The following CLASP2 variants were observed in gnomAD, a reference collection of about 807,000 sequenced individuals.
The protein encoded by CLASP2 is CLIP-associating protein 2.
Under a neutral mutation model 194.4 loss-of-function variants are expected in CLASP2, and 47 were observed. The observed-to-expected ratio is 0.24, with a 90% CI of 0.19 to 0.31. The LOEUF is 0.31. Ranked by LOEUF, CLASP2 falls within the 10% of genes least tolerant of loss-of-function variation. The probability of loss-of-function intolerance (pLI) is 1.00; values close to 1 mark genes in which losing one functional copy is unlikely to be tolerated. For missense variants in CLASP2, 1,445 were observed against 1,823.6 expected (o/e 0.79, Z 3.78); for synonymous variants, 619 against 633.5 (o/e 0.98, Z 0.34).
At chr3:33,542,009 T>G (rs1457190077) in intron 32 of CLASP2, among the ~76,000 whole-genome samples, 1 of 152,234 alleles carries the variant, frequency 6.6e-6, no homozygotes, top group Non-Finnish European at 1.5e-5. Flanking sequence ...TGTTATTTTT[T>G]GACATTTTAA....
At chr3:33,516,946 A>C (rs2051507751) in intron 35 of CLASP2, 35 bp downstream of exon 35, 1 of 1,547,106 alleles carries the variant, frequency 6.5e-7, no homozygotes, top group Admixed American at 1.8e-5. Flanking sequence ...AGAGACAGGA[A>C]GGAAAGGCTA....
intron 12 of CLASP2, among the ~76,000 whole-genome samples, chr3:33,616,882 C>T (rs1302355672): frequency 6.6e-6 from 1 of 151,544 alleles, no homozygotes; most frequent in Non-Finnish European, 1.5e-5. Context: ...GGATTACAGG[C>T]ATGCACCATC....
rs1022415777 is a variant in CLASP2 at position 33,667,429 on chromosome 3, G to A, written c.645-3914C>T. 6.5e-3 allele frequency among the ~76,000 whole-genome samples: 504 copies of A among 77,142 alleles called. 1 individual carries two copies. Among genetic ancestry groups the A allele is most frequent in the African/African-American group, 0.017 (221 of 12,984 alleles). The allele number at this position is 77,142 out of a possible 152,430, so 50.6% of individuals were successfully genotyped here. A position where few individuals can be genotyped will look rare whatever the true frequency, so the allele number is the denominator to read the frequency against. On this transcript the variant is annotated intron_variant, in intron 6 of 38. Transcript: ENST00000682230. ...CTCAAAAAAAAAAAAAAAAAAAAAA[G>A]ACATTTGATTTGCAAGTATTTACTC... is the stretch of plus-strand genomic sequence containing the variant.
Position 33,622,260 on chromosome 3 carries a change from C to G in CLASP2, c.1056G>C (p.Leu352=). The change falls in exon 11 of 39, where the codon CTG becomes CTC. Residue 352 remains leucine (L), a synonymous_variant. Coordinates refer to ENST00000682230, the MANE Select transcript of CLASP2 (RefSeq NM_001365631.1). ...CATACTGTGCAGCTCCAGCAACAAG[C>G]AGTGATCGAATTTTCTTCAGCTGAA... ...RANALKKIRS[L]LVAGAAQYDC... is the part of the protein sequence containing the mutation. 6.7e-7 allele frequency: 1 copy of G among 1,500,200 alleles called. No homozygotes were observed. 92.9% of individuals were successfully genotyped at this position (1,500,200 alleles called of 1,614,324 possible). A position where few individuals can be genotyped will look rare whatever the true frequency, so the allele number is the denominator to read the frequency against.
intron 10 of CLASP2, 91 bp from the exon 11 acceptor site, chr3:33,622,371 T>C: frequency 1.0e-6 from 1 of 959,626 alleles, no homozygotes; most frequent in Non-Finnish European, 1.4e-6. Context: ...AAAAACTTTC[T>C]AATAAATGAA....
At chr3:33,529,212 A>G (rs540065304) in intron 34 of CLASP2, among the ~76,000 whole-genome samples, 6 of 152,248 alleles carry the variant, frequency 3.9e-5, no homozygotes, top group Non-Finnish European at 7.3e-5. Flanking sequence ...GCTCATGGAT[A>G]GGAAGAATCA....
chr3:33,632,733 T>C (rs563046165), intron 8 of CLASP2, among the ~76,000 whole-genome samples: 8 of 152,236 alleles, frequency 5.3e-5, no homozygotes, highest in South Asian at 4.2e-4. Flanking sequence ...TAAATGATAG[T>C]GTGATGCAGA....
rs1465448392 is a variant in CLASP2, at chr3:33,689,899, G to GC, written c.307dup (p.Ala103GlyfsTer8). 1 of 1,597,494 alleles carries GC rather than the reference G, an allele frequency of 6.3e-7. No homozygotes were observed. The highest frequency in any genetic ancestry group is 8.5e-7 in the Non-Finnish European group (1 of 1,172,364). On this transcript the variant is annotated frameshift_variant, in exon 3 of 39. Transcript: ENST00000682230. LOFTEE classifies it high-confidence loss of function. Reference sequence around the variant, plus strand: ...AGCTTCATCTCGAACCTTGTCTTTGGCATCTCCCATTCTGTCTATTAAAGC... The same window carrying GC: ...AGCTTCATCTCGAACCTTGTCTTTGGCCATCTCCCATTCTGTCTATTAAAGC...
At chr3:33,596,762 G>A in intron 18 of CLASP2, 28 bp from the exon 19 acceptor site, 1 of 1,532,196 alleles carries the variant, frequency 6.5e-7, no homozygotes. Flanking sequence ...GCAAAGAACA[G>A]AGGAAAACTT....
rs1401917054 is a variant in CLASP2, at chr3:33,671,764, T to TA, written c.645-8250dup. ...GAATACTGCGCTTTTCCGACAGGCTTAAAAAATGGCGCACCAGGAGATTAT... is the reference window on the plus strand; with the variant it reads ...GAATACTGCGCTTTTCCGACAGGCTTAAAAAAATGGCGCACCAGGAGATTAT... On this transcript the variant is annotated intron_variant, in intron 6 of 38. Coordinates refer to ENST00000682230, the MANE Select transcript of CLASP2 (RefSeq NM_001365631.1). 3.9e-5 allele frequency among the ~76,000 whole-genome samples: 6 copies of TA among 152,206 alleles called. No individual in the cohort carries two copies. The South Asian group carries it at 8.3e-4, about 21-fold the overall frequency.
chr3:33,659,479 A>G (rs535575516), intron 7 of CLASP2: 9 of 890,276 alleles, frequency 1.0e-5, no homozygotes, highest in Non-Finnish European at 9.4e-6. Flanking sequence ...GCGCCTTTTT[A>G]AAAAGGTTTT....
chr3:33,601,356 T>C (rs773931435), intron 18 of CLASP2, among the ~76,000 whole-genome samples: 3 of 152,224 alleles, frequency 2.0e-5, no homozygotes, highest in Admixed American at 6.5e-5. Context: ...TGTTTGATTA[T>C]AGCTAAGGTT....
intron 37 of CLASP2, chr3:33,504,088 T>C (rs2047493547): frequency 1.3e-5 from 2 of 152,226 alleles, no homozygotes; most frequent in African/African-American, 4.8e-5. Flanking sequence ...CATTATCAGA[T>C]ATATAATTTG....
At chr3:33,636,423 T>TA (rs2080148819) in intron 8 of CLASP2, among the ~76,000 whole-genome samples, 1 of 151,790 alleles carries the variant, frequency 6.6e-6, no homozygotes, top group Non-Finnish European at 1.5e-5. Flanking sequence ...AGTAACTCCC[T>TA]AAAATTAAAA....
chr3:33,524,976 G>A (rs929312717), intron 34 of CLASP2, among the ~76,000 whole-genome samples: 1 of 152,184 alleles, frequency 6.6e-6, no homozygotes, highest in African/African-American at 2.4e-5. Context: ...ACATCCAACA[G>A]ACATATATGG....
intron 2 of CLASP2, among the ~76,000 whole-genome samples, chr3:33,695,409 C>A (rs915239704): frequency 6.6e-6 from 1 of 151,418 alleles, no homozygotes; most frequent in Non-Finnish European, 1.5e-5. Context: ...AAAAAAAAAT[C>A]TTTTCAGAAA....
chr3:33,626,779 GCA>G (rs2154287663), intron 10 of CLASP2, among the ~76,000 whole-genome samples: 1 of 144,882 alleles, frequency 6.9e-6, no homozygotes, highest in South Asian at 2.1e-4. Context: ...TGTAGGATAG[GCA>G]CCACCTGATC....
At chr3:33,663,006 G>C (rs1368027450) in intron 7 of CLASP2, among the ~76,000 whole-genome samples, 3 of 151,940 alleles carry the variant, frequency 2.0e-5, no homozygotes, top group African/African-American at 7.3e-5. Flanking sequence ...CTCTTGATCA[G>C]TTATAGTCTC....
chr3:33,620,392 T>C (rs571081088), intron 11 of CLASP2, among the ~76,000 whole-genome samples: 188 of 152,330 alleles, frequency 1.2e-3, no homozygotes, highest in Middle Eastern at 6.8e-3. Flanking sequence ...AGGAGGGATA[T>C]TGTAACTACT....
Sources: gnomAD v4.1 joint callset for allele counts (sites outside exome capture counted in the v4.1 genomes callset) on GRCh38, gnomAD v4.1.1 for gene constraint, MANE v1.5 for transcripts, NCBI Gene and HGNC (gene_info 2026-07-23, HGNC 2026-07-21) for gene names.